Variants in TMEM117 observed in about 807,000 individuals in gnomAD.
The protein encoded by TMEM117 is transmembrane protein 117.
In TMEM117, 27 loss-of-function variants were observed where a neutral mutation model predicts 52.4. The ratio of observed to expected loss-of-function variants is 0.51; its 90% CI spans 0.38 to 0.71. The LOEUF (loss-of-function observed/expected upper bound fraction) is 0.71. TMEM117 is among the 30% of genes least tolerant of loss of function. TMEM117 has a pLI of 0.00. For synonymous variants in TMEM117, 215 were observed against 206.3 expected (o/e 1.04, Z -0.36); for missense variants, 556 against 630.5 (o/e 0.88, Z 1.26).
chr12:44,236,540 T>C (rs947846125), intron 5 of TMEM117, among the ~76,000 whole-genome samples: 1 of 152,140 alleles, frequency 6.6e-6, no homozygotes, highest in Non-Finnish European at 1.5e-5. Flanking sequence ...CTTTCTTTCT[T>C]AGAATATAAT....
intron 6 of TMEM117, among the ~76,000 whole-genome samples, chr12:44,302,477 TA>T (rs1950853000): frequency 6.6e-6 from 1 of 152,150 alleles, no homozygotes; most frequent in African/African-American, 2.4e-5. Flanking sequence ...ATTTGGATCC[TA>T]CCATTGGAGA....
intron 3 of TMEM117, among the ~76,000 whole-genome samples, chr12:44,130,030 C>T (rs1366681470): frequency 2.6e-5 from 4 of 152,076 alleles, no homozygotes; most frequent in South Asian, 2.1e-4. Flanking sequence ...TGGCACCATC[C>T]GATCCAACAT....
At chr12:44,031,495 A>G (rs1399687796) in intron 3 of TMEM117, among the ~76,000 whole-genome samples, 2 of 152,238 alleles carry the variant, frequency 1.3e-5, no homozygotes, top group Admixed American at 1.3e-4. Flanking sequence ...TAAAGGAAAC[A>G]ACTTTCAGGA....
chr12:44,295,932 T>G (rs1417993568), intron 5 of TMEM117, among the ~76,000 whole-genome samples: 2 of 152,214 alleles, frequency 1.3e-5, no homozygotes, highest in Non-Finnish European at 2.9e-5. Context: ...TGTGTCTGCA[T>G]TTGAAGGAAC....
At chr12:44,391,683 A>T (rs896137252), downstream of TMEM117, among the ~76,000 whole-genome samples, 3 of 152,164 alleles carry the variant, frequency 2.0e-5, no homozygotes, top group Non-Finnish European at 4.4e-5. Context: ...TGAGAAAGAC[A>T]ATGCTAATAA....
At chr12:43,974,956 G>C (rs1246263983) in intron 3 of TMEM117, among the ~76,000 whole-genome samples, 1 of 152,120 alleles carries the variant, frequency 6.6e-6, no homozygotes, top group East Asian at 1.9e-4. Flanking sequence ...AAGGTGTTAA[G>C]AACCAGGACA....
At chr12:43,955,542 A>G (rs373893171) in intron 3 of TMEM117, among the ~76,000 whole-genome samples, 114 of 152,304 alleles carry the variant, frequency 7.5e-4, no homozygotes, top group Middle Eastern at 3.4e-3. Flanking sequence ...CGCATTCACA[A>G]TTGCCACAAA....
At chr12:43,798,503 G>C in the TMEM117 span, 1 of 1,427,638 alleles carries the variant, frequency 7.0e-7, no homozygotes, top group Non-Finnish European at 9.2e-7. Flanking sequence ...AATGAATGGA[G>C]ATTCTACAGC....
At chr12:43,828,706 T>C in the TMEM117 span, among the ~76,000 whole-genome samples, 2 of 152,206 alleles carry the variant, frequency 1.3e-5, no homozygotes, top group Non-Finnish European at 2.9e-5. Context: ...ACCGATAAAA[T>C]GGCTGGACCT....
chr12:44,266,365 C>T (rs1950377439), intron 5 of TMEM117, among the ~76,000 whole-genome samples: 1 of 152,084 alleles, frequency 6.6e-6, no homozygotes, highest in African/African-American at 2.4e-5. Flanking sequence ...TTTGCATTTT[C>T]CTAATGACTA....
At chr12:43,805,491 G>T in the TMEM117 span, 3 of 454,952 alleles carry the variant, frequency 6.6e-6, no homozygotes, top group South Asian at 4.7e-5. Flanking sequence ...GTAACCCGGG[G>T]ATATATTATT....
chr12:43,986,493 C>T (rs1945849303), intron 3 of TMEM117, among the ~76,000 whole-genome samples: 1 of 151,926 alleles, frequency 6.6e-6, no homozygotes, highest in Non-Finnish European at 1.5e-5. Context: ...GATTTTTTTC[C>T]TTCCATTACT....
At chr12:43,810,784 T>C in the TMEM117 span, among the ~76,000 whole-genome samples, 6 of 152,266 alleles carry the variant, frequency 3.9e-5, no homozygotes, top group South Asian at 1.2e-3. Flanking sequence ...CAAAACAGAT[T>C]AACCCTTTCA....
At chr12:43,874,849 T>A (rs2137435358) in intron 2 of TMEM117, among the ~76,000 whole-genome samples, 1 of 152,340 alleles carries the variant, frequency 6.6e-6, no homozygotes, top group South Asian at 2.1e-4. Context: ...AAATATGCAC[T>A]GAAATCCTTC....
chr12:43,806,317 G>A, the TMEM117 span: 1 of 1,375,252 alleles, frequency 7.3e-7, no homozygotes, highest in Non-Finnish European at 9.4e-7. Context: ...CCCAGGAAGT[G>A]GCTGCTCCTC....
chr12:44,343,011 G>A (rs1051207658), intron 6 of TMEM117, among the ~76,000 whole-genome samples: 6 of 151,232 alleles, frequency 4.0e-5, no homozygotes, highest in Middle Eastern at 3.2e-3. Flanking sequence ...TCAGCCTCCC[G>A]AGTAGCTGGG....
intron 4 of TMEM117, among the ~76,000 whole-genome samples, chr12:44,168,544 C>T (rs980202539): frequency 2.0e-5 from 3 of 152,062 alleles, no homozygotes; most frequent in Non-Finnish European, 4.4e-5. Flanking sequence ...ATTAACCATT[C>T]TTTTATTGTT....
chr12:43,864,619 G>T (rs575196161), intron 2 of TMEM117, among the ~76,000 whole-genome samples: 3 of 152,106 alleles, frequency 2.0e-5, no homozygotes, highest in East Asian at 3.9e-4. Flanking sequence ...TAGTGGGGAC[G>T]TGGAGAACTT....
chr12:44,013,292 G>T (rs890833926), intron 3 of TMEM117, among the ~76,000 whole-genome samples: 1 of 152,110 alleles, frequency 6.6e-6, no homozygotes, highest in Non-Finnish European at 1.5e-5. Context: ...CTCCCAAAGC[G>T]CTGGGATTAC....
Sources: allele counts gnomAD v4.1 joint callset (sites outside exome capture counted in the v4.1 genomes callset), GRCh38; gene constraint gnomAD v4.1.1; transcripts MANE v1.5; gene names NCBI Gene and HGNC (gene_info 2026-07-23, HGNC 2026-07-21).